NELL2: variants seen among roughly 807,000 people sequenced by gnomAD.
The protein encoded by NELL2 is neural EGFL like 2.
Under a neutral mutation model 109.6 loss-of-function variants are expected in NELL2, and 41 were observed. The ratio of observed to expected loss-of-function variants is 0.37; its 90% CI spans 0.29 to 0.49. NELL2 has a LOEUF of 0.49. NELL2 is among the 20% of genes least tolerant of loss of function. NELL2 has a pLI of 0.98. For synonymous variants in NELL2, 355 were observed against 344.7 expected (o/e 1.03, Z -0.33); for missense variants, 900 against 1,008.3 (o/e 0.89, Z 1.45).
At chr12:44,647,435 G>GAT (rs1014307933) in intron 13 of NELL2, among the ~76,000 whole-genome samples, 22 of 152,074 alleles carry the variant, frequency 1.4e-4, no homozygotes, top group Middle Eastern at 3.2e-3. Flanking sequence ...ATGCAACAGG[G>GAT]ATATCTGCTG....
At chr12:44,914,880 C>G (rs1258929081), upstream of NELL2, among the ~76,000 whole-genome samples, 6 of 151,080 alleles carry the variant, frequency 4.0e-5, no homozygotes, top group African/African-American at 1.5e-4. Context: ...GACAGAGTCT[C>G]CATCTGTCGC....
intron 13 of NELL2, among the ~76,000 whole-genome samples, chr12:44,650,419 CGGAGTAGCTGGGA>C (rs1947260139): frequency 2.6e-5 from 4 of 151,898 alleles, no homozygotes; most frequent in Non-Finnish European, 5.9e-5. Flanking sequence ...CCTCAGCTTC[CGGAGTAGCTGGGA>C]TTACAGGCGC....
chr12:44,732,624 T>A (rs1939427874), intron 9 of NELL2, among the ~76,000 whole-genome samples: 1 of 151,732 alleles, frequency 6.6e-6, no homozygotes, highest in Non-Finnish European at 1.5e-5. Context: ...TAGAAAAAAA[T>A]TTCATAATAT....
chr12:44,654,645 C>T lies in NELL2; in HGVS notation c.1444+10839G>A, dbSNP rs552669495. Among the ~76,000 whole-genome samples the T allele has an allele frequency of 1.4e-4, 21 of 152,274 alleles. No homozygotes were observed. The South Asian group carries it at 3.9e-3, about 29-fold the overall frequency. On this transcript the variant is annotated intron_variant, in intron 13 of 19. Coordinates refer to ENST00000429094, the MANE Select transcript of NELL2 (RefSeq NM_001145108.2). ...AACACTCTTCAAGCAGTCAGTGTGGCTGTGTCTCACCCCAACAGAAGCACA... is the reference window on the plus strand; with the variant it reads ...AACACTCTTCAAGCAGTCAGTGTGGTTGTGTCTCACCCCAACAGAAGCACA...
At chr12:44,876,703 T>G (rs933291285), upstream of NELL2, 2 of 1,549,196 alleles carry the variant, frequency 1.3e-6, no homozygotes, top group African/African-American at 2.7e-5. Context: ...CGCCTGCCCT[T>G]TAAGCAAAGG....
intron 9 of NELL2, among the ~76,000 whole-genome samples, chr12:44,731,756 A>C (rs1386983039): frequency 6.6e-6 from 1 of 152,078 alleles, no homozygotes; most frequent in Non-Finnish European, 1.5e-5. Context: ...GAAATTGGGT[A>C]AGAAAAATAA....
intron 3 of NELL2, 63 bp from the exon 4 acceptor site, chr12:44,780,085 C>T (rs1383556843): frequency 6.4e-7 from 1 of 1,555,320 alleles, no homozygotes; most frequent in Non-Finnish European, 8.7e-7. Flanking sequence ...TTGAAGTGAT[C>T]TCTGTCTACG....
chr12:44,913,715 T>C (rs1477649297), intron 1 of NELL2: 7 of 524,044 alleles, frequency 1.3e-5, no homozygotes, highest in Non-Finnish European at 2.3e-5. Context: ...TGTTTGAAAA[T>C]TCAGGTCACT....
chr12:44,615,815 C>CT (rs1945799082), intron 13 of NELL2, among the ~76,000 whole-genome samples: 1 of 152,060 alleles, frequency 6.6e-6, no homozygotes, highest in South Asian at 2.1e-4. Flanking sequence ...CTTCTTAAGG[C>CT]AAAGGACAGA....
intron 2 of NELL2, among the ~76,000 whole-genome samples, chr12:44,846,666 C>T (rs1944379799): frequency 6.6e-6 from 1 of 152,118 alleles, no homozygotes; most frequent in African/African-American, 2.4e-5. Context: ...GCAACTGAAC[C>T]CATTAAGATG....
intron 3 of NELL2, among the ~76,000 whole-genome samples, chr12:44,782,822 C>G (rs1305392866): frequency 6.6e-6 from 1 of 151,850 alleles, no homozygotes; most frequent in African/African-American, 2.4e-5. Flanking sequence ...ACCCCTGTTT[C>G]AACAATTATT....
chr12:44,855,637 C>T (rs113202783), intron 2 of NELL2, among the ~76,000 whole-genome samples: 2,029 of 152,190 alleles, frequency 0.013, 20 homozygotes, highest in Non-Finnish European at 0.022. Context: ...ATAAATAATC[C>T]AACTTAATCT....
At chr12:44,865,831 A>C (rs1407852700) in intron 2 of NELL2, among the ~76,000 whole-genome samples, 1 of 150,894 alleles carries the variant, frequency 6.6e-6, no homozygotes, top group East Asian at 1.9e-4. Context: ...AAAATTAAAA[A>C]AAAAAAGTTT....
intron 1 of NELL2, among the ~76,000 whole-genome samples, chr12:44,903,547 C>T (rs1363849831): frequency 6.6e-6 from 1 of 152,038 alleles, no homozygotes; most frequent in East Asian, 1.9e-4. Flanking sequence ...GTTATATACC[C>T]AAAGGATTAT....
intron 2 of NELL2, among the ~76,000 whole-genome samples, chr12:44,837,649 T>C (rs1423713628): frequency 6.6e-6 from 1 of 152,180 alleles, no homozygotes; most frequent in Non-Finnish European, 1.5e-5. Context: ...TCTCAATAGC[T>C]ACCTTTGAAA....
intron 9 of NELL2, among the ~76,000 whole-genome samples, chr12:44,768,972 A>T (rs1941442694): frequency 6.7e-6 from 1 of 150,306 alleles, no homozygotes; most frequent in Non-Finnish European, 1.5e-5. Flanking sequence ...ACCATAGCCT[A>T]CATAAATTAT....
intron 2 of NELL2, among the ~76,000 whole-genome samples, chr12:44,822,841 T>C (rs1420249270): frequency 2.0e-5 from 3 of 152,132 alleles, no homozygotes; most frequent in Non-Finnish European, 4.4e-5. Context: ...ACTACCAGAA[T>C]GGAGTGATGA....
At chr12:44,872,597 G>A (rs1353499926) in intron 2 of NELL2, among the ~76,000 whole-genome samples, 1 of 152,074 alleles carries the variant, frequency 6.6e-6, no homozygotes, top group Non-Finnish European at 1.5e-5. Context: ...AAAAATCACT[G>A]GGAAAGTATA....
chr12:44,570,200 T>C (rs912283370), intron 15 of NELL2, among the ~76,000 whole-genome samples: 32 of 152,174 alleles, frequency 2.1e-4, no homozygotes, highest in African/African-American at 7.5e-4. Flanking sequence ...TGATCCCCCA[T>C]TGATTTCTGC....
Sources: gnomAD v4.1 joint callset for allele counts (sites outside exome capture counted in the v4.1 genomes callset) on GRCh38, gnomAD v4.1.1 for gene constraint, MANE v1.5 for transcripts, NCBI Gene and HGNC (gene_info 2026-07-23, HGNC 2026-07-21) for gene names.